WT1: variants seen among roughly 807,000 people sequenced by gnomAD.
WT1 encodes WT1 transcription factor, also known as Wilms tumor protein.
Under a neutral mutation model 60.8 loss-of-function variants are expected in WT1, and 8 were observed. That is an observed-to-expected ratio of 0.13 (90% CI 0.08 to 0.24). The LOEUF is 0.24. Ranked by LOEUF, WT1 falls within the 10% of genes least tolerant of loss-of-function variation. WT1 has a pLI of 1.00. For synonymous variants in WT1, 312 were observed against 297.1 expected (o/e 1.05, Z -0.52); for missense variants, 568 against 711.8 (o/e 0.80, Z 2.30).
chr11:32,400,841 T>C (rs1268472885), intron 5 of WT1, among the ~76,000 whole-genome samples: 2 of 152,248 alleles, frequency 1.3e-5, no homozygotes, highest in African/African-American at 4.8e-5. Flanking sequence ...CTGAGGTTTT[T>C]CACCCACACC....
At position 32,397,558 on chromosome 11, in the gene WT1, G is replaced by A. The variant is rs1852011866; in HGVS notation, c.1114-1151C>T. ...TGGTCTCAAACTCTTGAGCTGAAGG[G>A]ATCCTTCCACCTTGGCCTCCTAGAG... On this transcript the variant is annotated intron_variant, in intron 6 of 9. Transcript: ENST00000452863. Among the ~76,000 whole-genome samples the A allele has an allele frequency of 2.0e-5, 3 of 151,620 alleles. No homozygotes were observed. In the South Asian group the frequency reaches 6.3e-4, roughly 32 times the overall value.
intron 2 of WT1, 140 bp downstream of exon 2, chr11:32,428,357 A>G (rs1853134188): frequency 1.4e-6 from 2 of 1,429,232 alleles, no homozygotes; most frequent in African/African-American, 2.8e-5. Flanking sequence ...CTTTAAATAC[A>G]GTGCCATTGG....
intron 1 of WT1, among the ~76,000 whole-genome samples, chr11:32,430,353 G>A (rs1057162940): frequency 2.0e-5 from 3 of 151,446 alleles, no homozygotes; most frequent in African/African-American, 7.3e-5. Flanking sequence ...TTTGGCTCAG[G>A]GCACCCACTA....
Position 32,388,890 on chromosome 11 carries a change from C to T in WT1, c.*168G>A. On this transcript the variant is annotated 3_prime_UTR_variant, in exon 10 of 10. Coordinates refer to ENST00000452863, the MANE Select transcript of WT1 (RefSeq NM_024426.6). ...GTAGGCAGGGCAGAGACCAACTCTT[C>T]CAGGCACACCTGGTAGTTTCCAGAA... The T allele has an allele frequency of 7.9e-7, 1 of 1,269,588 alleles. No homozygotes were observed. The highest frequency in any genetic ancestry group is 1.1e-6 in the Non-Finnish European group (1 of 920,772). The allele number at this position is 1,269,588 out of a possible 1,614,324, so 78.6% of individuals were successfully genotyped here.
intron 1 of WT1, among the ~76,000 whole-genome samples, chr11:32,434,405 G>A (rs1355386704): frequency 2.0e-5 from 3 of 152,254 alleles, no homozygotes; most frequent in Non-Finnish European, 4.4e-5. Context: ...CTCCCGTGGG[G>A]ACTAGCAGTC....
At chr11:32,409,444 T>C (rs1373329514) in intron 5 of WT1, among the ~76,000 whole-genome samples, 1 of 152,104 alleles carries the variant, frequency 6.6e-6, no homozygotes, top group East Asian at 1.9e-4. Flanking sequence ...ATAACTCTTA[T>C]AAAGAAAGCA....
intron 3 of WT1, among the ~76,000 whole-genome samples, chr11:32,420,652 C>T (rs1852825121): frequency 6.6e-6 from 1 of 152,128 alleles, no homozygotes; most frequent in South Asian, 2.1e-4. Flanking sequence ...TGAAGGCATC[C>T]TGAGCCTCAT....
chr11:32,415,071 A>T (rs563396864), intron 5 of WT1, among the ~76,000 whole-genome samples: 2 of 152,304 alleles, frequency 1.3e-5, no homozygotes, highest in Non-Finnish European at 2.9e-5. Flanking sequence ...TAAAGACCTT[A>T]AAAAGTATCG....
At chr11:32,420,668 C>T (rs1852825450) in intron 3 of WT1, among the ~76,000 whole-genome samples, 1 of 152,148 alleles carries the variant, frequency 6.6e-6, no homozygotes, top group African/African-American at 2.4e-5. Flanking sequence ...CTCATCCTCT[C>T]ATTACCATTT....
intron 5 of WT1, among the ~76,000 whole-genome samples, chr11:32,414,648 G>A (rs750942967): frequency 7.9e-5 from 12 of 152,262 alleles, no homozygotes; most frequent in South Asian, 2.1e-4. Context: ...CAAGTGTGGC[G>A]GATCGCCTGA....
At chr11:32,434,193 T>C (rs548295189) in intron 1 of WT1, among the ~76,000 whole-genome samples, 5 of 152,340 alleles carry the variant, frequency 3.3e-5, no homozygotes, top group Admixed American at 3.3e-4. Context: ...CAACACCGTA[T>C]TATAAGGGCT....
chr11:32,409,996 G>C (rs1051178251), intron 5 of WT1, among the ~76,000 whole-genome samples: 2 of 151,724 alleles, frequency 1.3e-5, no homozygotes, highest in East Asian at 1.9e-4. Context: ...GCACGATCTC[G>C]GCTCACTGCA....
At chr11:32,406,569 A>G (rs1256351014) in intron 5 of WT1, among the ~76,000 whole-genome samples, 1 of 152,174 alleles carries the variant, frequency 6.6e-6, no homozygotes, top group Non-Finnish European at 1.5e-5. Context: ...CACAAGGCTA[A>G]CTGATGGAAA....
At chr11:32,398,434 G>A (rs1388561868) in intron 6 of WT1, among the ~76,000 whole-genome samples, 7 of 152,178 alleles carry the variant, frequency 4.6e-5, no homozygotes, top group Non-Finnish European at 1.0e-4. Flanking sequence ...GAAGGTCTAC[G>A]GAGGTGGCAG....
intron 8 of WT1, 100 bp downstream of exon 8, chr11:32,392,566 G>T: frequency 8.7e-7 from 1 of 1,153,372 alleles, no homozygotes; most frequent in Non-Finnish European, 1.3e-6. Context: ...CTAAACACAT[G>T]GCTGACTCTC....
At position 32,388,887 on chromosome 11, in the gene WT1, C is replaced by CTTCCAGGCACACCTGGTAGT; in HGVS notation, c.*151_*170dup. The CTTCCAGGCACACCTGGTAGT allele has an allele frequency of 2.4e-6, 3 of 1,244,978 alleles. No individual in the cohort carries two copies. The highest frequency in any genetic ancestry group is 3.3e-6 in the Non-Finnish European group (3 of 899,592). 77.1% of individuals were successfully genotyped at this position (1,244,978 alleles called of 1,614,324 possible). On this transcript the variant is annotated 3_prime_UTR_variant, in exon 10 of 10. Transcript: ENST00000452863. ...AAAGTAGGCAGGGCAGAGACCAACT[C>CTTCCAGGCACACCTGGTAGT]TTCCAGGCACACCTGGTAGTTTCCA...
At chr11:32,415,363 G>A (rs1317170949) in intron 5 of WT1, among the ~76,000 whole-genome samples, 1 of 152,116 alleles carries the variant, frequency 6.6e-6, no homozygotes, top group Non-Finnish European at 1.5e-5. Context: ...AGAACAGGTA[G>A]AAAGGCCAGG....
chr11:32,411,786 G>A (rs1225982465), intron 5 of WT1, among the ~76,000 whole-genome samples: 3 of 152,164 alleles, frequency 2.0e-5, no homozygotes, highest in African/African-American at 7.2e-5. Flanking sequence ...GCTAAGTCAC[G>A]AGTCTCCATC....
At chr11:32,428,171 TG>T in intron 2 of WT1, 113 bp from the exon 3 acceptor site, 1 of 1,052,386 alleles carries the variant, frequency 9.5e-7, no homozygotes, top group Non-Finnish European at 1.4e-6. Context: ...CACTGGGGCC[TG>T]GATGAGCGGC....
Sources: allele counts gnomAD v4.1 joint callset (sites outside exome capture counted in the v4.1 genomes callset), GRCh38; gene constraint gnomAD v4.1.1; transcripts MANE v1.5; gene names NCBI Gene and HGNC (gene_info 2026-07-23, HGNC 2026-07-21).